RIN3: variants seen among roughly 807,000 people sequenced by gnomAD.
The protein encoded by RIN3 is Ras and Rab interactor 3.
RIN3 carries 54 observed loss-of-function variants against 76.3 expected under a neutral mutation model. The ratio of observed to expected loss-of-function variants is 0.71; its 90% CI spans 0.57 to 0.89. The LOEUF (loss-of-function observed/expected upper bound fraction) is 0.89, where lower values mean the gene tolerates loss of function less well. Among genes scored for constraint, RIN3 ranks in the 40% least tolerant of loss-of-function variants. The probability of loss-of-function intolerance (pLI) is 0.00; values close to 1 mark genes in which losing one functional copy is unlikely to be tolerated. For missense variants in RIN3, 1,256 were observed against 1,322.1 expected, an observed-to-expected ratio of 0.95 and a Z score of 0.78; for synonymous variants, 576 against 564.0, an observed-to-expected ratio of 1.02 and a Z score of -0.30.
At position 92,513,816 on chromosome 14, in the gene RIN3, G is replaced by T; in HGVS notation, c.-117G>T. 3.4e-6 allele frequency: 2 copies of T among 592,342 alleles called. No homozygotes were observed. The highest frequency in any genetic ancestry group is 8.1e-5 in the South Asian group (1 of 12,328). The allele number at this position is 592,342 out of a possible 1,614,324, so 36.7% of individuals were successfully genotyped here. On this transcript the variant is annotated 5_prime_UTR_variant, in exon 1 of 10. Coordinates refer to ENST00000216487, the MANE Select transcript of RIN3 (RefSeq NM_024832.5). Reference sequence around the variant, plus strand: ...GAGAGCCCCAGAGCGCGGCGGCAGCGGCGGCCTGGCCCTTCCAGAGGGCCA... The same window carrying T: ...GAGAGCCCCAGAGCGCGGCGGCAGCTGCGGCCTGGCCCTTCCAGAGGGCCA...
intron 8 of RIN3, among the ~76,000 whole-genome samples, chr14:92,683,291 C>G (rs1016760664): frequency 6.6e-6 from 1 of 152,136 alleles, no homozygotes; most frequent in Non-Finnish European, 1.5e-5. Flanking sequence ...ACCCGAGAGA[C>G]CAGGGTTTCC....
intron 4 of RIN3, among the ~76,000 whole-genome samples, chr14:92,628,754 G>A (rs1467296408): frequency 2.0e-5 from 3 of 152,140 alleles, no homozygotes; most frequent in African/African-American, 7.2e-5. Context: ...GCTCTGAGCT[G>A]TGCCACATGT....
At chr14:92,515,899 A>G (rs904435121) in intron 1 of RIN3, among the ~76,000 whole-genome samples, 7 of 152,202 alleles carry the variant, frequency 4.6e-5, no homozygotes, top group Admixed American at 2.0e-4. Flanking sequence ...TTTGAAGGGT[A>G]GAGGATTTGC....
chr14:92,636,554 A>C (rs1284376240), intron 4 of RIN3, among the ~76,000 whole-genome samples: 1 of 152,212 alleles, frequency 6.6e-6, no homozygotes, highest in Non-Finnish European at 1.5e-5. Flanking sequence ...ATTGTACTCC[A>C]GCCTGGGTGA....
chr14:92,613,302 C>T (rs1250805247), intron 3 of RIN3, among the ~76,000 whole-genome samples: 3 of 152,146 alleles, frequency 2.0e-5, no homozygotes, highest in Non-Finnish European at 4.4e-5. Flanking sequence ...CACTGGGACG[C>T]TCGGGGCATC....
At chr14:92,641,129 G>A (rs1886994811) in intron 4 of RIN3, 109 bp from the exon 5 acceptor site, 4 of 825,154 alleles carry the variant, frequency 4.8e-6, no homozygotes, top group Non-Finnish European at 8.3e-6. Flanking sequence ...CTTCCAGGCT[G>A]TATGGAGACC....
chr14:92,654,370 G>A (rs182902937), intron 6 of RIN3, among the ~76,000 whole-genome samples: 31 of 151,914 alleles, frequency 2.0e-4, no homozygotes, highest in Non-Finnish European at 4.0e-4. Context: ...TCGCACTGCC[G>A]TAGCCAAAAA....
intron 4 of RIN3, among the ~76,000 whole-genome samples, chr14:92,635,727 C>T (rs1474241806): frequency 6.6e-6 from 1 of 152,108 alleles, no homozygotes; most frequent in Non-Finnish European, 1.5e-5. Context: ...GTGGTGCACA[C>T]CTGTAGTCCC....
Position 92,685,009 on chromosome 14 carries a change from C to T in RIN3, c.2490C>T (p.Thr830=). 6.2e-7 allele frequency: 1 copy of T among 1,613,636 alleles called. No individual in the cohort carries two copies. Among genetic ancestry groups the T allele is most frequent in the East Asian group, 2.2e-5 (1 of 44,862 alleles). The part of the protein sequence containing the change: ...LGEGSYYLTT[T]YGALEHIKSY... ...CAGGTTCCTACTATCTGACCACCACCTACGGGGCCCTGGAGCACATCAAGA... is the reference window on the plus strand; with the variant it reads ...CAGGTTCCTACTATCTGACCACCACTTACGGGGCCCTGGAGCACATCAAGA... Residue 830 remains threonine (T), a synonymous_variant, in exon 9 of 10, where the codon ACC becomes ACT. Transcript: ENST00000216487. This position sits in a 1 kb window ranked among gnomAD's most constrained non-coding sequence, Gnocchi z 4.7.
intron 7 of RIN3, among the ~76,000 whole-genome samples, chr14:92,662,185 G>A (rs1887913332): frequency 6.6e-6 from 1 of 152,238 alleles, no homozygotes; most frequent in Non-Finnish European, 1.5e-5. Context: ...GAGAATGAGC[G>A]GGGCCTTCTC....
chr14:92,621,129 A>C (rs930330541), intron 4 of RIN3, among the ~76,000 whole-genome samples: 1 of 149,208 alleles, frequency 6.7e-6, no homozygotes, highest in Non-Finnish European at 1.5e-5. Context: ...CCAGCTACTC[A>C]GGAGGCTGAG....
rs558697736 is a variant in RIN3 at position 92,536,736 on chromosome 14, G to A, written c.45-19015G>A. Among the ~76,000 whole-genome samples the A allele has an allele frequency of 4.0e-4, 42 of 105,610 alleles. 2 individuals are homozygous for A. In the South Asian group the frequency reaches 0.011, roughly 27 times the overall value. 69.3% of individuals were successfully genotyped at this position (105,610 alleles called of 152,430 possible). On this transcript the variant is annotated intron_variant, in intron 1 of 9. Transcript: ENST00000216487. ...CAGCCTGGTGACAGAGCAAGACTCCGTCTCAGAAAAAAAAAAAAAAAAAAA... is the reference window on the plus strand; with the variant it reads ...CAGCCTGGTGACAGAGCAAGACTCCATCTCAGAAAAAAAAAAAAAAAAAAA...
At chr14:92,615,993 C>T (rs968563877) in intron 4 of RIN3, 7 of 154,052 alleles carry the variant, frequency 4.5e-5, no homozygotes, top group East Asian at 1.9e-4. Flanking sequence ...ACTTAAGCTA[C>T]GGGACCTTGA....
chr14:92,560,790 G>A lies in RIN3; in HGVS notation c.249+4835G>A, dbSNP rs903403174. Among the ~76,000 whole-genome samples the A allele has an allele frequency of 4.6e-5, 7 of 151,648 alleles. No homozygotes were observed. The East Asian group carries it at 9.7e-4, about 21-fold the overall frequency. ...TCCCAGCCCTTTGGGAGGCCAAGGC[G>A]GGTGGATCACCTGAGGTCAGGAGTT... is the stretch of plus-strand genomic sequence containing the variant. On this transcript the variant is annotated intron_variant, in intron 2 of 9. Transcript: ENST00000216487.
intron 2 of RIN3, among the ~76,000 whole-genome samples, chr14:92,569,065 G>A (rs934558135): frequency 3.3e-5 from 5 of 152,240 alleles, no homozygotes; most frequent in South Asian, 4.1e-4. Flanking sequence ...GCCAGCTGCC[G>A]TTTTAACTTC....
chr14:92,598,138 G>A (rs949413881), intron 3 of RIN3, among the ~76,000 whole-genome samples: 1 of 152,182 alleles, frequency 6.6e-6, no homozygotes, highest in African/African-American at 2.4e-5. Flanking sequence ...GACAGCTTCT[G>A]CCTGGACTCT....
At chr14:92,641,380 G>T (rs1595476841) in intron 5 of RIN3, 51 bp downstream of exon 5, 1 of 1,442,604 alleles carries the variant, frequency 6.9e-7, no homozygotes, top group Non-Finnish European at 9.8e-7. Flanking sequence ...TAGGAACTGG[G>T]GCCCTAGGAC....
At chr14:92,676,736 C>A in intron 8 of RIN3, 130 bp downstream of exon 8, 1 of 971,824 alleles carries the variant, frequency 1.0e-6, no homozygotes, top group Non-Finnish European at 1.5e-6. Context: ...CCCATGGATG[C>A]AAATGTGAAT....
intron 4 of RIN3, among the ~76,000 whole-genome samples, chr14:92,630,156 G>A (rs1023942216): frequency 1.9e-4 from 29 of 152,136 alleles, no homozygotes; most frequent in Non-Finnish European, 3.5e-4. Flanking sequence ...TGATAATATC[G>A]TTATATTGGT....
Sources: allele counts gnomAD v4.1 joint callset (sites outside exome capture counted in the v4.1 genomes callset), GRCh38; gene constraint gnomAD v4.1.1; non-coding constraint Gnocchi (gnomAD v3.1); transcripts MANE v1.5; gene names NCBI Gene and HGNC (gene_info 2026-07-23, HGNC 2026-07-21).